SLC27A2: variants seen among roughly 807,000 people sequenced by gnomAD.
SLC27A2 encodes the protein long-chain fatty acid transport protein 2.
A neutral mutation model predicts 60.0 loss-of-function variants in SLC27A2; 54 were observed. The observed-to-expected ratio is 0.90, with a 90% CI of 0.72 to 1.13. The LOEUF (loss-of-function observed/expected upper bound fraction) is 1.13, where lower values mean the gene tolerates loss of function less well. Among genes scored for constraint, SLC27A2 ranks in the 50% most tolerant of loss-of-function variants. The pLI, the probability that SLC27A2 is intolerant of heterozygous loss-of-function variation, is 0.00. For missense variants in SLC27A2, 739 were observed against 777.6 expected, an observed-to-expected ratio of 0.95 and a Z score of 0.59; for synonymous variants, 297 against 297.6, an observed-to-expected ratio of 1.00 and a Z score of 0.02.
At chr15:50,233,534 A>C (rs771938445) in intron 8 of SLC27A2, among the ~76,000 whole-genome samples, 1 of 152,228 alleles carries the variant, frequency 6.6e-6, no homozygotes, top group African/African-American at 2.4e-5. Flanking sequence ...ACCTTGAATA[A>C]GTCTCTTAAT....
chr15:50,185,556 A>AC (rs2044913890), intron 1 of SLC27A2, among the ~76,000 whole-genome samples: 1 of 150,626 alleles, frequency 6.6e-6, no homozygotes, highest in African/African-American at 2.5e-5. Context: ...TGAATGTGTT[A>AC]TACTTTAAAA....
intron 2 of SLC27A2, chr15:50,198,093 C>T (rs904566882): frequency 1.8e-5 from 3 of 168,152 alleles, no homozygotes; most frequent in Non-Finnish European, 3.9e-5. Context: ...AGGAGAAGAC[C>T]AGTGAACAAT....
intron 3 of SLC27A2, among the ~76,000 whole-genome samples, chr15:50,204,024 T>TACAC (rs376863557): frequency 2.7e-5 from 4 of 150,720 alleles, no homozygotes; most frequent in Admixed American, 6.6e-5. Flanking sequence ...CACACACACA[T>TACAC]ACACACACAC....
chr15:50,200,218 A>G (rs575229779), intron 2 of SLC27A2, among the ~76,000 whole-genome samples: 1 of 152,268 alleles, frequency 6.6e-6, no homozygotes, highest in East Asian at 1.9e-4. Context: ...CTTGAAGCCA[A>G]GAGTTCAACA....
intron 4 of SLC27A2, among the ~76,000 whole-genome samples, chr15:50,207,483 G>T (rs1401460816): frequency 2.0e-5 from 3 of 152,008 alleles, no homozygotes; most frequent in African/African-American, 7.2e-5. Context: ...TTCAGTTAAA[G>T]ATTTTTTTAA....
At chr15:50,214,987 A>T (rs2045184500) in intron 4 of SLC27A2, among the ~76,000 whole-genome samples, 1 of 152,158 alleles carries the variant, frequency 6.6e-6, no homozygotes, top group Non-Finnish European at 1.5e-5. Flanking sequence ...AGAGAAAGAA[A>T]TACAGGGCAT....
At chr15:50,190,105 C>T (rs964120595) in intron 1 of SLC27A2, among the ~76,000 whole-genome samples, 1 of 152,148 alleles carries the variant, frequency 6.6e-6, no homozygotes, top group African/African-American at 2.4e-5. Flanking sequence ...ATGTCTCTCT[C>T]TCTATATATA....
intron 1 of SLC27A2, among the ~76,000 whole-genome samples, chr15:50,187,624 C>T (rs2044935563): frequency 6.6e-6 from 1 of 152,166 alleles, no homozygotes; most frequent in Non-Finnish European, 1.5e-5. Context: ...GTAGGCACTA[C>T]TCTTATGCAA....
intron 1 of SLC27A2, among the ~76,000 whole-genome samples, chr15:50,195,826 C>G (rs997240349): frequency 5.0e-4 from 76 of 150,790 alleles, no homozygotes; most frequent in Non-Finnish European, 2.8e-4. Flanking sequence ...GAGGCCGAGG[C>G]GGGCGGATCC....
chr15:50,217,778 A>G (rs545579273), intron 4 of SLC27A2, among the ~76,000 whole-genome samples: 1 of 152,290 alleles, frequency 6.6e-6, no homozygotes, highest in South Asian at 2.1e-4. Flanking sequence ...AGAAGAGGCC[A>G]GGCACGGTGG....
intron 2 of SLC27A2, among the ~76,000 whole-genome samples, chr15:50,198,939 C>G (rs2140900550): frequency 6.6e-6 from 1 of 152,176 alleles, no homozygotes; most frequent in Non-Finnish European, 1.5e-5. Flanking sequence ...GTTGACTTCA[C>G]TTCATACAGT....
intron 1 of SLC27A2, among the ~76,000 whole-genome samples, chr15:50,193,887 G>A (rs2044993561): frequency 6.6e-6 from 1 of 152,142 alleles, no homozygotes; most frequent in Non-Finnish European, 1.5e-5. Flanking sequence ...CACCAGGCAT[G>A]GTGGCTCACA....
At position 50,197,467 on chromosome 15, in the gene SLC27A2, A is replaced by C. The variant is rs547031291; in HGVS notation, c.479-33A>C. 9 of 1,498,994 alleles carry C rather than the reference A, an allele frequency of 6.0e-6. No homozygotes were observed. The Admixed American group carries it at 1.2e-4, about 20-fold the overall frequency. The allele number at this position is 1,498,994 out of a possible 1,614,324, so 92.9% of individuals were successfully genotyped here. A position where few individuals can be genotyped will look rare whatever the true frequency, so the allele number is the denominator to read the frequency against. On this transcript the variant is annotated intron_variant, in intron 1 of 9. Transcript: ENST00000267842. Reference sequence around the variant, plus strand: ...TAATAGAACTTTAATAGACTGATTTAGTTTGTTTTGATATTTTTCTTATTA... The same window carrying C: ...TAATAGAACTTTAATAGACTGATTTCGTTTGTTTTGATATTTTTCTTATTA...
chr15:50,236,199 G>C lies in SLC27A2; in HGVS notation c.*103G>C. 1.8e-6 allele frequency: 2 copies of C among 1,089,046 alleles called. No homozygotes were observed. Among genetic ancestry groups the C allele is most frequent in the African/African-American group, 3.2e-5 (2 of 62,868 alleles). 67.5% of individuals were successfully genotyped at this position (1,089,046 alleles called of 1,614,324 possible). ...TGATTGAAGATTGTGAGGAAATTTT[G>C]TAGGAAATTTGCATACCCGTAAAGG... On this transcript the variant is annotated 3_prime_UTR_variant, in exon 10 of 10. Transcript: ENST00000267842.
At chr15:50,200,451 C>A (rs970779607) in intron 2 of SLC27A2, among the ~76,000 whole-genome samples, 5 of 137,664 alleles carry the variant, frequency 3.6e-5, no homozygotes, top group Admixed American at 7.0e-5. Context: ...ATACATAAAA[C>A]AAAACAAAAA....
intron 2 of SLC27A2, among the ~76,000 whole-genome samples, chr15:50,201,476 A>C (rs1487506702): frequency 1.3e-5 from 2 of 152,206 alleles, no homozygotes; most frequent in African/African-American, 4.8e-5. Flanking sequence ...AATAAGGGAA[A>C]TCTTTATGTA....
At chr15:50,187,497 C>A (rs936718663) in intron 1 of SLC27A2, among the ~76,000 whole-genome samples, 2 of 152,172 alleles carry the variant, frequency 1.3e-5, no homozygotes, top group Non-Finnish European at 2.9e-5. Context: ...TCAAGACCAT[C>A]AATAAACTAG....
At chr15:50,200,849 A>G (rs1002226190) in intron 2 of SLC27A2, among the ~76,000 whole-genome samples, 1 of 152,244 alleles carries the variant, frequency 6.6e-6, no homozygotes, top group Non-Finnish European at 1.5e-5. Flanking sequence ...TTCACCTTTC[A>G]GACTGGCAAA....
In SLC27A2 at chr15:50,205,323, A is replaced by G. The variant is rs1595685556; in HGVS notation, c.932A>G (p.Tyr311Cys). The change falls in exon 4 of 10, where the codon TAT (tyrosine) becomes TGT (cysteine). Residue 311 changes from tyrosine to cysteine, a missense_variant. Tyr to Cys is a radical substitution (Grantham distance 194). Transcript: ENST00000267842. The part of the protein sequence containing the change: ...CRKYNVTVIQ[Y>C]IGELLRYLCN... Reference sequence around the variant, plus strand: ...AAATACAACGTCACTGTCATTCAGTATATCGGTGAACTGCTTCGGTATTTA... The same window carrying G: ...AAATACAACGTCACTGTCATTCAGTGTATCGGTGAACTGCTTCGGTATTTA... The G allele has an allele frequency of 6.2e-7, 1 of 1,610,236 alleles. No individual in the cohort carries two copies. The highest frequency in any genetic ancestry group is 8.5e-7 in the Non-Finnish European group (1 of 1,177,588).
Sources: allele counts gnomAD v4.1 joint callset (sites outside exome capture counted in the v4.1 genomes callset), GRCh38; gene constraint gnomAD v4.1.1; transcripts MANE v1.5; gene names NCBI Gene and HGNC (gene_info 2026-07-23, HGNC 2026-07-21).